The following FAM135A variants were observed in gnomAD, a reference collection of about 807,000 sequenced individuals.
The protein encoded by FAM135A is family with sequence similarity 135 member A.
FAM135A carries 79 observed loss-of-function variants against 146.8 expected under a neutral mutation model. That is an observed-to-expected ratio of 0.54 (90% CI 0.45 to 0.65). The LOEUF (loss-of-function observed/expected upper bound fraction) is 0.65. FAM135A is among the 30% of genes least tolerant of loss of function. The pLI is 0.00. For synonymous variants in FAM135A, 562 were observed against 603.6 expected, an observed-to-expected ratio of 0.93 and a Z score of 1.01; for missense variants, 1,623 against 1,758.2, an observed-to-expected ratio of 0.92 and a Z score of 1.38.
In FAM135A at chr6:70,536,242, T is replaced by C; in HGVS notation, c.3966-18T>C. 4 of 1,588,726 alleles carry C rather than the reference T, an allele frequency of 2.5e-6. No homozygotes were observed. Among genetic ancestry groups the C allele is most frequent in the Non-Finnish European group, 3.4e-6 (4 of 1,170,278 alleles). ...AAACTAATGCTGTGAGAAAATTAAT[T>C]TTTTTTTCCTCTTAAAGCTTTATTG... is the stretch of plus-strand genomic sequence containing the variant. On this transcript the variant is annotated intron_variant, in intron 18 of 21. Coordinates refer to ENST00000418814, the MANE Select transcript of FAM135A (RefSeq NM_001162529.3).
chr6:70,421,943 C>T (rs1435093421), intron 2 of FAM135A, among the ~76,000 whole-genome samples: 3 of 152,144 alleles, frequency 2.0e-5, no homozygotes, highest in Admixed American at 2.0e-4. Flanking sequence ...ATCTGCCGTG[C>T]ATCATCTGGG....
At chr6:70,517,482 G>A (rs574131809) in intron 12 of FAM135A, among the ~76,000 whole-genome samples, 119 of 146,894 alleles carry the variant, frequency 8.1e-4, no homozygotes, top group Non-Finnish European at 1.5e-3. Flanking sequence ...GCAATGGCAC[G>A]ATCTTAGCTC....
chr6:70,503,468 A>G (rs562444534), intron 12 of FAM135A: 1 of 152,244 alleles, frequency 6.6e-6, no homozygotes, highest in African/African-American at 2.4e-5. Flanking sequence ...AACATAACAC[A>G]TAAAGTCAGA....
chr6:70,453,872 C>T (rs1202236827), intron 5 of FAM135A, among the ~76,000 whole-genome samples: 2 of 152,174 alleles, frequency 1.3e-5, no homozygotes, highest in Admixed American at 6.5e-5. Context: ...CCGCAATAAA[C>T]ATACGTGTGC....
intron 11 of FAM135A, among the ~76,000 whole-genome samples, chr6:70,496,240 C>T (rs1013232375): frequency 1.3e-5 from 2 of 152,104 alleles, no homozygotes; most frequent in Admixed American, 6.6e-5. Flanking sequence ...TTTTGATTTA[C>T]ATTTCTCTAG....
intron 4 of FAM135A, among the ~76,000 whole-genome samples, chr6:70,450,713 G>GTTTTTTTTTTTTTTTTTTTT (rs1192559967): frequency 3.4e-5 from 1 of 29,780 alleles, no homozygotes; most frequent in Non-Finnish European, 9.8e-5. Context: ...GACCCTTTTA[G>GTTTTTTTTTTTTTTTTTTTT]TTGTTTTTTT....
intron 4 of FAM135A, among the ~76,000 whole-genome samples, chr6:70,440,420 C>A (rs1166311769): frequency 2.0e-5 from 3 of 152,132 alleles, no homozygotes; most frequent in Admixed American, 2.0e-4. Flanking sequence ...GGCACGGTGG[C>A]TCACACTTGT....
Position 70,477,196 on chromosome 6 carries a change from C to CG in FAM135A, c.407dup (p.Thr137AsnfsTer7). On this transcript the variant is annotated frameshift_variant, in exon 8 of 22. Transcript: ENST00000418814. LOFTEE classifies it high-confidence loss of function. ...GAATGCCTTGCAACTAATAAGTAGCCGAACATTGAAGCTGCACTTTAGCCC... is the reference window on the plus strand; with the variant it reads ...GAATGCCTTGCAACTAATAAGTAGCCGGAACATTGAAGCTGCACTTTAGCCC... 2.5e-6 allele frequency: 4 copies of CG among 1,613,382 alleles called. No homozygotes were observed. Among genetic ancestry groups the CG allele is most frequent in the Non-Finnish European group, 3.4e-6 (4 of 1,179,650 alleles).
intron 12 of FAM135A, chr6:70,503,664 C>G: frequency 6.6e-6 from 1 of 152,102 alleles, no homozygotes; most frequent in East Asian, 1.9e-4. Context: ...TGAGTTCCTT[C>G]CATTTTAGTT....
chr6:70,519,909 G>GATAT (rs10638419), intron 12 of FAM135A, among the ~76,000 whole-genome samples: 35,652 of 151,588 alleles, frequency 0.24, 5,019 homozygotes, highest in African/African-American at 0.39. Flanking sequence ...GGTATGATAT[G>GATAT]ATATATATGA....
intron 5 of FAM135A, among the ~76,000 whole-genome samples, chr6:70,457,382 C>T (rs536594561): frequency 2.4e-3 from 368 of 152,330 alleles, no homozygotes; most frequent in African/African-American, 8.2e-3. Flanking sequence ...CGAAATCATT[C>T]CGCCTTTATT....
intron 4 of FAM135A, among the ~76,000 whole-genome samples, chr6:70,447,879 C>T (rs944285531): frequency 3.3e-5 from 5 of 152,174 alleles, no homozygotes; most frequent in Non-Finnish European, 5.9e-5. Context: ...CCTTTATCCA[C>T]TCAGTACTGC....
intron 11 of FAM135A, among the ~76,000 whole-genome samples, chr6:70,493,190 GA>G (rs1362182338): frequency 4.0e-5 from 6 of 151,634 alleles, no homozygotes; most frequent in Admixed American, 2.0e-4. Context: ...TATATTAATT[GA>G]AAAAAATAAA....
chr6:70,457,345 A>T (rs1236420223), intron 5 of FAM135A, among the ~76,000 whole-genome samples: 3 of 152,196 alleles, frequency 2.0e-5, no homozygotes, highest in Non-Finnish European at 2.9e-5. Flanking sequence ...CTCAGTCAAG[A>T]TTCTTTCCGT....
At chr6:70,429,481 C>CT (rs200824439) in intron 4 of FAM135A, among the ~76,000 whole-genome samples, 3,770 of 151,788 alleles carry the variant, frequency 0.025, 113 homozygotes, top group African/African-American at 0.068. Flanking sequence ...CTAGTGCACT[C>CT]CAGCCTGGGC....
chr6:70,461,730 A>G (rs1161329129), intron 5 of FAM135A, among the ~76,000 whole-genome samples: 1 of 152,176 alleles, frequency 6.6e-6, no homozygotes. Context: ...CTGAGACTGC[A>G]TTTCTATTCT....
intron 16 of FAM135A, among the ~76,000 whole-genome samples, chr6:70,531,906 T>C (rs1459010973): frequency 2.8e-5 from 4 of 143,892 alleles, no homozygotes; most frequent in African/African-American, 1.1e-4. Flanking sequence ...TTTTTTTTTT[T>C]TTTTTTTGAG....
rs903806143 is a variant in FAM135A, at chr6:70,560,265, A to G, written c.*344A>G. On this transcript the variant is annotated 3_prime_UTR_variant, in exon 22 of 22. Coordinates refer to ENST00000418814, the MANE Select transcript of FAM135A (RefSeq NM_001162529.3). ...TACATCAGACTACATTATATTAGAG[A>G]CCATTATTGCTAGAATAGCATGGGA... is the stretch of plus-strand genomic sequence containing the variant. 1 of 167,056 alleles carries G rather than the reference A, an allele frequency of 6.0e-6. No individual in the cohort carries two copies. Among genetic ancestry groups the G allele is most frequent in the African/African-American group, 2.4e-5 (1 of 41,782 alleles). The allele number at this position is 167,056 out of a possible 1,614,324, so 10.3% of individuals were successfully genotyped here.
At chr6:70,417,743 A>G (rs1256813681) in intron 2 of FAM135A, 1 of 419,286 alleles carries the variant, frequency 2.4e-6, no homozygotes, top group Non-Finnish European at 3.2e-6. Flanking sequence ...ACTGCTATCT[A>G]TAAATGTCTA....
Sources: gnomAD v4.1 joint callset for allele counts (sites outside exome capture counted in the v4.1 genomes callset) on GRCh38, gnomAD v4.1.1 for gene constraint, MANE v1.5 for transcripts, NCBI Gene and HGNC (gene_info 2026-07-23, HGNC 2026-07-21) for gene names.